BLVRA: variants seen among roughly 807,000 people sequenced by gnomAD.
The protein encoded by BLVRA is BVR A.
Under a neutral mutation model 32.8 loss-of-function variants are expected in BLVRA, and 22 were observed. The observed-to-expected ratio is 0.67, with a 90% CI of 0.48 to 0.96. The LOEUF (loss-of-function observed/expected upper bound fraction) is 0.96, where lower values mean the gene tolerates loss of function less well. Among genes scored for constraint, BLVRA ranks in the 40% least tolerant of loss-of-function variants. The pLI, the probability that BLVRA is intolerant of heterozygous loss-of-function variation, is 0.00. For missense variants in BLVRA, 323 were observed against 358.1 expected, an observed-to-expected ratio of 0.90 and a Z score of 0.79; for synonymous variants, 119 against 141.3, an observed-to-expected ratio of 0.84 and a Z score of 1.12.
chr7:43,771,695 G>C lies in BLVRA; in HGVS notation c.12+525G>C, dbSNP rs534265126. On this transcript the variant is annotated intron_variant, in intron 2 of 7. Coordinates refer to ENST00000265523, the MANE Select transcript of BLVRA (RefSeq NM_000712.4). ...CCACTATGCTTTTCCCACTTGTCCT[G>C]TCCATCCACATGGCAAACACAGAGG... Among the ~76,000 whole-genome samples the C allele has an allele frequency of 4.6e-5, 7 of 152,316 alleles. No individual in the cohort carries two copies. In the South Asian group the frequency reaches 8.3e-4, roughly 18 times the overall value.
At chr7:43,778,618 A>G (rs1420053857) in intron 2 of BLVRA, among the ~76,000 whole-genome samples, 1 of 152,188 alleles carries the variant, frequency 6.6e-6, no homozygotes, top group Non-Finnish European at 1.5e-5. Context: ...GACCCACTTG[A>G]GGAGGCAGTC....
intron 2 of BLVRA, among the ~76,000 whole-genome samples, chr7:43,773,417 C>A (rs56149341): frequency 0.11 from 16,088 of 151,982 alleles, 1,007 homozygotes; most frequent in Admixed American, 0.19. Context: ...CGATAGCTTG[C>A]TGAGAATGAT....
chr7:43,807,118 T>C lies in BLVRA; in HGVS notation c.774T>C (p.Phe258=). ...TATTTCTGAAAGATCAAAATATATT[T>C]GTCCAGAAACTCTTGGGCCAGTTCT... ...KNIFLKDQNI[F]VQKLLGQFSE... The change falls in exon 8 of 8, where the codon TTT becomes TTC. Residue 258 remains phenylalanine (F), a synonymous_variant. Transcript: ENST00000265523. The C allele has an allele frequency of 1.2e-6, 2 of 1,614,192 alleles. No homozygotes were observed. Among genetic ancestry groups the C allele is most frequent in the African/African-American group, 2.7e-5 (2 of 75,048 alleles).
upstream of BLVRA, among the ~76,000 whole-genome samples, chr7:43,758,250 C>T (rs2095738160): frequency 7.1e-6 from 1 of 139,928 alleles, no homozygotes; most frequent in South Asian, 2.2e-4. Context: ...CGGCCCGGGG[C>T]CACTAAATAC....
At chr7:43,804,722 C>T (rs17239727) in intron 7 of BLVRA, among the ~76,000 whole-genome samples, 22,056 of 152,172 alleles carry the variant, frequency 0.14, 2,158 homozygotes, top group Non-Finnish European at 0.21. Context: ...ATTTCTCATA[C>T]CAGGTCTTTT....
chr7:43,762,222 T>A (rs1175982572), intron 1 of BLVRA, among the ~76,000 whole-genome samples: 1 of 152,106 alleles, frequency 6.6e-6, no homozygotes, highest in Non-Finnish European at 1.5e-5. Flanking sequence ...GATAATTCTT[T>A]GTGTATGTGT....
chr7:43,794,229 C>T (rs1037119597), intron 5 of BLVRA, among the ~76,000 whole-genome samples: 3 of 151,844 alleles, frequency 2.0e-5, no homozygotes, highest in Non-Finnish European at 2.9e-5. Context: ...GACCCTGTCT[C>T]AAAAATAAAA....
intron 2 of BLVRA, among the ~76,000 whole-genome samples, chr7:43,780,157 C>A (rs2095767217): frequency 6.6e-6 from 1 of 152,166 alleles, no homozygotes; most frequent in Non-Finnish European, 1.5e-5. Context: ...CAGGCATGAG[C>A]CACCATGCCT....
At chr7:43,806,925 T>C in intron 7 of BLVRA, 52 bp from the exon 8 acceptor site, 1 of 1,608,572 alleles carries the variant, frequency 6.2e-7, no homozygotes, top group South Asian at 1.1e-5. Flanking sequence ...AAGCACCCAC[T>C]TGTGCTCTTG....
At chr7:43,775,423 T>C (rs2095759598) in intron 2 of BLVRA, among the ~76,000 whole-genome samples, 1 of 152,230 alleles carries the variant, frequency 6.6e-6, no homozygotes, top group South Asian at 2.1e-4. Flanking sequence ...TTTGGTTCTG[T>C]TTATATGCTG....
At chr7:43,771,918 T>TC (rs1309369990) in intron 2 of BLVRA, among the ~76,000 whole-genome samples, 2 of 152,172 alleles carry the variant, frequency 1.3e-5, no homozygotes, top group East Asian at 3.8e-4. Flanking sequence ...TCCTCGAAGG[T>TC]CCCCCTCACT....
At chr7:43,778,455 G>A (rs940588221) in intron 2 of BLVRA, among the ~76,000 whole-genome samples, 10 of 152,154 alleles carry the variant, frequency 6.6e-5, no homozygotes, top group East Asian at 1.9e-4. Flanking sequence ...GCAGTACAGC[G>A]GTGGCTGTAG....
At position 43,775,644 on chromosome 7, in the gene BLVRA, G is replaced by A. The variant is rs537695795; in HGVS notation, c.12+4474G>A. ...TGCCAGGCTTTGGTATCAGGATGAC[G>A]CTGGCCTCATAAAATGAGTTAGGGA... On this transcript the variant is annotated intron_variant, in intron 2 of 7. Transcript: ENST00000265523. 3.9e-5 allele frequency among the ~76,000 whole-genome samples: 6 copies of A among 152,320 alleles called. No individual in the cohort carries two copies. In the South Asian group the frequency reaches 6.2e-4, roughly 16 times the overall value.
rs138715080 is a variant in BLVRA, at chr7:43,787,949, G to A, written c.58G>A (p.Gly20Ser). The part of the protein sequence containing the change: ...GVVVVGVGRA[G>S]SVRMRDLRNP... ...GGTGGTGGTTGGTGTTGGCCGAGCC[G>A]GCTCCGTGCGGATGAGGGACTTGCG... The change falls in exon 3 of 8, where the codon GGC (glycine) becomes AGC (serine). Residue 20 changes from glycine (G) to serine (S), a missense_variant. By Grantham distance (56) the Gly-to-Ser change is moderately conservative (BLOSUM62 0). Transcript: ENST00000265523. This position sits in a 1 kb window ranked among gnomAD's most constrained non-coding sequence, Gnocchi z 4.5. The A allele has an allele frequency of 4.4e-5, 71 of 1,614,204 alleles. No homozygotes were observed. The African/African-American group carries it at 7.3e-4, about 17-fold the overall frequency.
chr7:43,759,757 T>C (rs17239439), intron 1 of BLVRA, among the ~76,000 whole-genome samples: 50 of 152,318 alleles, frequency 3.3e-4, no homozygotes, highest in African/African-American at 1.2e-3. Flanking sequence ...ATTAAAATTA[T>C]GGAAATAAAG....
chr7:43,795,385 G>A (rs553142810), intron 5 of BLVRA, among the ~76,000 whole-genome samples: 23 of 151,724 alleles, frequency 1.5e-4, no homozygotes, highest in Admixed American at 3.3e-4. Context: ...GTGTGGTGGC[G>A]CGCACATATA....
intron 1 of BLVRA, among the ~76,000 whole-genome samples, chr7:43,759,103 G>A (rs372668113): frequency 6.6e-6 from 1 of 152,232 alleles, no homozygotes. Flanking sequence ...CCAGGAGCGC[G>A]AGCGGCTGGG....
At chr7:43,791,413 G>A (rs377047886) in intron 4 of BLVRA, 45 bp downstream of exon 4, 7 of 1,611,388 alleles carry the variant, frequency 4.3e-6, no homozygotes, top group Non-Finnish European at 5.1e-6. Flanking sequence ...CAGCAGTGCA[G>A]TACTGCAAAA....
intron 1 of BLVRA, among the ~76,000 whole-genome samples, chr7:43,767,762 A>G (rs1403790319): frequency 2.0e-5 from 3 of 152,184 alleles, no homozygotes; most frequent in Non-Finnish European, 4.4e-5. Flanking sequence ...TGTTGTTTGT[A>G]TATTCAGTTT....
Sources: allele counts gnomAD v4.1 joint callset (sites outside exome capture counted in the v4.1 genomes callset), GRCh38; gene constraint gnomAD v4.1.1; non-coding constraint Gnocchi (gnomAD v3.1); transcripts MANE v1.5; gene names NCBI Gene and HGNC (gene_info 2026-07-23, HGNC 2026-07-21).